The following CDH18 variants were observed in gnomAD, a reference collection of about 807,000 sequenced individuals.
CDH18 encodes the protein cadherin-18.
A neutral mutation model predicts 67.9 loss-of-function variants in CDH18; 31 were observed. The ratio of observed to expected loss-of-function variants is 0.46; its 90% CI spans 0.34 to 0.62. The LOEUF (loss-of-function observed/expected upper bound fraction) is 0.62, where lower values mean the gene tolerates loss of function less well. Ranked by LOEUF, CDH18 falls within the 20% of genes least tolerant of loss-of-function variation. CDH18 has a pLI of 0.01. For synonymous variants in CDH18, 362 were observed against 347.2 expected (o/e 1.04, Z -0.48); for missense variants, 890 against 975.5 (o/e 0.91, Z 1.17).
intron 2 of CDH18, among the ~76,000 whole-genome samples, chr5:20,087,903 C>A (rs1038297336): frequency 3.9e-5 from 6 of 152,204 alleles, no homozygotes; most frequent in Admixed American, 3.9e-4. Context: ...GATGGTGATT[C>A]TCTTCTCTAA....
At chr5:20,201,696 A>G (rs1354097419) in intron 2 of CDH18, among the ~76,000 whole-genome samples, 1 of 152,172 alleles carries the variant, frequency 6.6e-6, no homozygotes, top group Non-Finnish European at 1.5e-5. Flanking sequence ...GAGAATACAT[A>G]ATATAATCTG....
chr5:20,413,024 A>G (rs1580941434), intron 1 of CDH18, among the ~76,000 whole-genome samples: 1 of 152,110 alleles, frequency 6.6e-6, no homozygotes, highest in Non-Finnish European at 1.5e-5. Context: ...AAGTGTTCTC[A>G]TTGTTCAATT....
At position 19,780,986 on chromosome 5, in the gene CDH18, A is replaced by G. The variant is rs527699294; in HGVS notation, c.229-33750T>C. Among the ~76,000 whole-genome samples the G allele has an allele frequency of 2.9e-3, 447 of 152,266 alleles. 4 individuals carry two copies. The highest frequency in any genetic ancestry group is 0.018 in the South Asian group (86 of 4,828). On this transcript the variant is annotated intron_variant, in intron 3 of 12. Transcript: ENST00000382275. The stretch of plus-strand genomic sequence containing the variant: ...ATATGAAATTAAATACAGCAAGTCA[A>G]ATATTTAAAACGCCTGTAGAAGCAA...
chr5:19,795,869 A>G (rs997835502), intron 3 of CDH18, among the ~76,000 whole-genome samples: 3 of 152,164 alleles, frequency 2.0e-5, no homozygotes, highest in African/African-American at 7.2e-5. Context: ...TGAAATATAC[A>G]TAATCTCAGC....
At chr5:20,178,252 C>T (rs1259674710) in intron 2 of CDH18, among the ~76,000 whole-genome samples, 1 of 152,068 alleles carries the variant, frequency 6.6e-6, no homozygotes, top group Non-Finnish European at 1.5e-5. Context: ...GGGTCTCCAG[C>T]TTGTCAACTG....
intron 1 of CDH18, among the ~76,000 whole-genome samples, chr5:20,539,148 G>A (rs1248126658): frequency 2.0e-5 from 3 of 151,754 alleles, no homozygotes; most frequent in African/African-American, 4.8e-5. Flanking sequence ...TTCAGCCTCC[G>A]AAAAAGTGCT....
chr5:19,825,420 A>C (rs1000390322), intron 3 of CDH18, among the ~76,000 whole-genome samples: 3 of 152,122 alleles, frequency 2.0e-5, no homozygotes, highest in Admixed American at 1.3e-4. Flanking sequence ...TAGAGCTTCC[A>C]GCCCAGTAGT....
intron 2 of CDH18, among the ~76,000 whole-genome samples, chr5:20,122,203 C>A (rs1427008848): frequency 2.0e-5 from 3 of 152,242 alleles, no homozygotes; most frequent in Non-Finnish European, 2.9e-5. Flanking sequence ...TCCACAGATG[C>A]ATGGCTTTGT....
chr5:19,495,264 C>G (rs1742097640), intron 11 of CDH18, among the ~76,000 whole-genome samples: 2 of 152,154 alleles, frequency 1.3e-5, no homozygotes, highest in African/African-American at 4.8e-5. Flanking sequence ...CAATCATCTT[C>G]ATGATAATTA....
chr5:19,487,405 A>G (rs1740583349), intron 11 of CDH18, among the ~76,000 whole-genome samples: 1 of 152,156 alleles, frequency 6.6e-6, no homozygotes. Context: ...TCACTGCATT[A>G]AAAGTAAAAT....
At chr5:19,844,931 G>C (rs1782753397) in intron 2 of CDH18, among the ~76,000 whole-genome samples, 1 of 151,960 alleles carries the variant, frequency 6.6e-6, no homozygotes, top group Admixed American at 6.6e-5. Context: ...AAATTTATTT[G>C]TTGCTTTTTA....
intron 1 of CDH18, among the ~76,000 whole-genome samples, chr5:20,434,259 G>T (rs1748997341): frequency 6.6e-6 from 1 of 152,074 alleles, no homozygotes; most frequent in Non-Finnish European, 1.5e-5. Context: ...AAACATTGAT[G>T]AGGAAAGTCT....
At chr5:20,540,260 C>T (rs1756980820) in intron 1 of CDH18, among the ~76,000 whole-genome samples, 2 of 151,976 alleles carry the variant, frequency 1.3e-5, no homozygotes, top group Non-Finnish European at 2.9e-5. Context: ...ATAGTAATAT[C>T]GAACAGACTT....
chr5:20,573,961 T>C (rs961250484), intron 1 of CDH18, among the ~76,000 whole-genome samples: 2 of 147,188 alleles, frequency 1.4e-5, no homozygotes, highest in Non-Finnish European at 3.0e-5. Context: ...TTTATATATA[T>C]ATACTTTTTT....
chr5:19,659,545 G>A (rs1433172120), intron 5 of CDH18, among the ~76,000 whole-genome samples: 4 of 152,010 alleles, frequency 2.6e-5, no homozygotes, highest in African/African-American at 4.8e-5. Flanking sequence ...ATTATGGTTT[G>A]AAAGTTTGTG....
At chr5:20,383,667 T>A (rs1373158670) in intron 1 of CDH18, among the ~76,000 whole-genome samples, 2 of 152,196 alleles carry the variant, frequency 1.3e-5, no homozygotes, top group Non-Finnish European at 2.9e-5. Context: ...TCATTTGCTG[T>A]TATACCAAAA....
intron 3 of CDH18, among the ~76,000 whole-genome samples, chr5:19,773,996 T>G (rs538235967): frequency 1.3e-5 from 2 of 152,298 alleles, no homozygotes; most frequent in East Asian, 3.9e-4. Context: ...TCTGGAGAAT[T>G]CTGAGGGACT....
At chr5:20,104,301 T>C (rs1014467893) in intron 2 of CDH18, among the ~76,000 whole-genome samples, 1 of 152,092 alleles carries the variant, frequency 6.6e-6, no homozygotes, top group South Asian at 2.1e-4. Context: ...CACTGAATGA[T>C]GTAATGAGGA....
At chr5:20,042,969 T>A (rs1221271179) in intron 2 of CDH18, among the ~76,000 whole-genome samples, 1 of 146,672 alleles carries the variant, frequency 6.8e-6, no homozygotes, top group Non-Finnish European at 1.5e-5. Context: ...CTCAAAAAAA[T>A]TAATTAATTA....
Sources: gnomAD v4.1 joint callset for allele counts (sites outside exome capture counted in the v4.1 genomes callset) on GRCh38, gnomAD v4.1.1 for gene constraint, MANE v1.5 for transcripts, NCBI Gene and HGNC (gene_info 2026-07-23, HGNC 2026-07-21) for gene names.